The following PCDH11Y variants were observed in gnomAD, a reference collection of about 807,000 sequenced individuals.
PCDH11Y encodes protocadherin-11 Y-linked.
For missense variants in PCDH11Y, 12 were observed against 224.8 expected (o/e 0.05, Z 6.05); for synonymous variants, 9 against 83.6 (o/e 0.11, Z 4.87).
intron 4 of PCDH11Y, among the ~76,000 whole-genome samples, chrY:5,723,505 G>A (rs2053596494): frequency 6.3e-5 from 2 of 31,879 alleles, no homozygotes; most frequent in African/African-American, 1.2e-4. Context: ...ATACATACCC[G>A]CACATGTATA....
intron 2 of PCDH11Y, among the ~76,000 whole-genome samples, chrY:5,385,211 T>C (rs1439723939): frequency 1.9e-4 from 5 of 25,731 alleles, no homozygotes; most frequent in Admixed American, 3.7e-4. Flanking sequence ...GTAAGTTCTT[T>C]TGTGGGGATT....
intron 4 of PCDH11Y, among the ~76,000 whole-genome samples, chrY:5,663,459 G>A: frequency 6.0e-5 from 2 of 33,339 alleles, no homozygotes; most frequent in East Asian, 7.9e-4. Context: ...ATGCCTTAAC[G>A]AAATGTACCA....
intron 2 of PCDH11Y, among the ~76,000 whole-genome samples, chrY:5,478,589 T>C: frequency 3.2e-5 from 1 of 30,873 alleles, no homozygotes; most frequent in African/African-American, 1.3e-4. Flanking sequence ...ATTTTGTGTC[T>C]TGTTGATTTG....
Position 5,455,009 on chromosome Y carries a change from A to G in PCDH11Y, c.3130-46048A>G. Among the ~76,000 whole-genome samples the G allele has an allele frequency of 9.0e-5, 3 of 33,413 alleles. No individual in the cohort carries two copies. The South Asian group carries it at 2.0e-3, about 22-fold the overall frequency. The allele number at this position is 33,413 out of a possible 37,273, so 89.6% of individuals were successfully genotyped here. A position where few individuals can be genotyped will look rare whatever the true frequency, so the allele number is the denominator to read the frequency against. On this transcript the variant is annotated intron_variant, in intron 2 of 4. Transcript: ENST00000400457. ...CCCAAAAAAGCTTTTTCTTTTTCTG[A>G]CACTTGGCTAATTTTTCAACATTTT...
chrY:5,014,190 C>T, intron 1 of PCDH11Y, among the ~76,000 whole-genome samples: 2 of 30,934 alleles, frequency 6.5e-5, no homozygotes, highest in African/African-American at 2.5e-4. Flanking sequence ...ACAAATTTTT[C>T]TATTCTTAAA....
At chrY:5,669,086 T>C (rs1602958079) in intron 4 of PCDH11Y, among the ~76,000 whole-genome samples, 74 of 33,446 alleles carry the variant, frequency 2.2e-3, no homozygotes, top group African/African-American at 7.8e-3. Context: ...CATAGTGATG[T>C]TTTGATACAT....
chrY:5,311,498 T>C (rs1602902799), intron 2 of PCDH11Y, among the ~76,000 whole-genome samples: 2 of 24,749 alleles, frequency 8.1e-5, no homozygotes, highest in East Asian at 1.0e-3. Context: ...TATATATATA[T>C]ATACACACAC....
At chrY:5,636,136 T>C (rs2053517545) in intron 4 of PCDH11Y, among the ~76,000 whole-genome samples, 1 of 33,801 alleles carries the variant, frequency 3.0e-5, no homozygotes, top group Admixed American at 2.7e-4. Context: ...GACTGGGTGT[T>C]TTTCTGACAA....
intron 2 of PCDH11Y, among the ~76,000 whole-genome samples, chrY:5,222,749 G>A (rs2052955739): frequency 3.2e-5 from 1 of 31,402 alleles, no homozygotes; most frequent in East Asian, 8.5e-4. Context: ...TGCCCACCTC[G>A]GCCTCCCAAA....
chrY:5,386,400 C>T, intron 2 of PCDH11Y, among the ~76,000 whole-genome samples: 4 of 32,488 alleles, frequency 1.2e-4, no homozygotes, highest in Admixed American at 5.8e-4. Context: ...ATGTCTAGGT[C>T]TCTAGCAAGG....
chrY:5,687,399 T>A (rs2053564254), intron 4 of PCDH11Y, among the ~76,000 whole-genome samples: 34 of 31,299 alleles, frequency 1.1e-3, no homozygotes, highest in African/African-American at 4.0e-3. Context: ...GTCAGGAGAT[T>A]GAGACCATCC....
At chrY:5,402,658 T>C in intron 2 of PCDH11Y, among the ~76,000 whole-genome samples, 3 of 22,474 alleles carry the variant, frequency 1.3e-4, no homozygotes, top group South Asian at 1.2e-3. Flanking sequence ...ATTTCTTTTT[T>C]TTTTTTTTTT....
At chrY:5,039,639 C>A (rs1602842580) in intron 3 of PCDH11Y, among the ~76,000 whole-genome samples, 1 of 33,244 alleles carries the variant, frequency 3.0e-5, no homozygotes, top group African/African-American at 1.2e-4. Flanking sequence ...ATTCTAAAAA[C>A]CAAAAAGTCT....
intron 2 of PCDH11Y, among the ~76,000 whole-genome samples, chrY:5,489,235 G>A: frequency 2.9e-4 from 7 of 24,460 alleles, no homozygotes; most frequent in Non-Finnish European, 4.7e-4. Flanking sequence ...AGATAATTTC[G>A]TATCTGTGAA....
At chrY:5,593,684 G>GT (rs1556033564) in intron 4 of PCDH11Y, among the ~76,000 whole-genome samples, 11 of 26,040 alleles carry the variant, frequency 4.2e-4, no homozygotes, top group African/African-American at 7.5e-4. Context: ...GAGGTTTTTT[G>GT]TTTTTTTTTT....
At chrY:5,032,254 A>G in intron 2 of PCDH11Y, among the ~76,000 whole-genome samples, 1 of 33,578 alleles carries the variant, frequency 3.0e-5, no homozygotes, top group Non-Finnish European at 7.4e-5. Flanking sequence ...GATCACACCT[A>G]TTCCATATAA....
rs528501230 is a variant in PCDH11Y at position 5,378,320 on chromosome Y, C to G, written c.3130-122737C>G. ...ACACACACACACACACACACACACACAGAGAAGACAATCCTATAAAACAGA... is the reference window on the plus strand; with the variant it reads ...ACACACACACACACACACACACACAGAGAGAAGACAATCCTATAAAACAGA... On this transcript the variant is annotated intron_variant, in intron 2 of 4. Transcript: ENST00000400457. Among the ~76,000 whole-genome samples the G allele has an allele frequency of 7.5e-3, 207 of 27,599 alleles. No individual in the cohort carries two copies. The South Asian group carries it at 0.14, about 19-fold the overall frequency. The allele number at this position is 27,599 out of a possible 37,273, so 74.0% of individuals were successfully genotyped here.
chrY:5,411,774 A>C, intron 2 of PCDH11Y, among the ~76,000 whole-genome samples: 2 of 32,846 alleles, frequency 6.1e-5, no homozygotes, highest in African/African-American at 2.4e-4. Flanking sequence ...GGGCTTTCTA[A>C]TCCATTGCAG....
intron 3 of PCDH11Y, among the ~76,000 whole-genome samples, chrY:5,506,953 C>CT (rs2053359390): frequency 3.1e-5 from 1 of 32,522 alleles, no homozygotes; most frequent in African/African-American, 1.2e-4. Flanking sequence ...CACTTTTATT[C>CT]TTTTTCAAAT....
Sources: allele counts gnomAD v4.1 joint callset (sites outside exome capture counted in the v4.1 genomes callset), GRCh38; gene constraint gnomAD v4.1.1; transcripts MANE v1.5; gene names NCBI Gene and HGNC (gene_info 2026-07-23, HGNC 2026-07-21).